SFSWAP: variants seen among roughly 807,000 people sequenced by gnomAD.
SFSWAP encodes splicing factor SWAP.
A neutral mutation model predicts 100.7 loss-of-function variants in SFSWAP; 17 were observed. That is an observed-to-expected ratio of 0.17 (90% CI 0.12 to 0.25). The LOEUF is 0.25. Among genes scored for constraint, SFSWAP ranks in the 10% least tolerant of loss-of-function variants. SFSWAP has a pLI of 1.00. For synonymous variants in SFSWAP, 504 were observed against 510.1 expected (o/e 0.99, Z 0.16); for missense variants, 1,005 against 1,262.6 (o/e 0.80, Z 3.09).
At chr12:131,783,855 G>A (rs1425039612) in intron 14 of SFSWAP, 1 of 135,556 alleles carries the variant, frequency 7.4e-6, no homozygotes, top group Non-Finnish European at 1.6e-5. Context: ...CTAAATACTT[G>A]GGGTTGGTGA....
rs144512976 is a variant in SFSWAP at position 131,750,482 on chromosome 12, C to T, written c.1082-2641C>T. ...AGCAGCAGTGGCTAGCAGCAGACCG[C>T]CTCACAGAGGCTGCGCGTGTCTCGG... is the stretch of plus-strand genomic sequence containing the variant. On this transcript the variant is annotated intron_variant, in intron 7 of 17. Coordinates refer to ENST00000261674, the MANE Select transcript of SFSWAP (RefSeq NM_004592.4). Among the ~76,000 whole-genome samples, 15 of 152,302 alleles carry T rather than the reference C, an allele frequency of 9.8e-5. No homozygotes were observed. In the East Asian group the frequency reaches 2.9e-3, roughly 29 times the overall value.
In SFSWAP at chr12:131,798,359, G is replaced by A. The variant is rs532351235; in HGVS notation, c.2718-678G>A. 2.8e-3 allele frequency among the ~76,000 whole-genome samples: 425 copies of A among 152,240 alleles called. 1 individual carries two copies. The highest frequency in any genetic ancestry group is 5.2e-3 in the South Asian group (25 of 4,810). ...AGTGTAGGAGGCTGAGCATCGCTGC[G>A]GGGAGGGGGTGTTGGCTCCAGCACA... On this transcript the variant is annotated intron_variant, in intron 16 of 17. Coordinates refer to ENST00000261674, the MANE Select transcript of SFSWAP (RefSeq NM_004592.4).
In SFSWAP at chr12:131,757,207, C is replaced by T. The variant is rs548349913; in HGVS notation, c.1720+563C>T. 9.8e-5 allele frequency: 15 copies of T among 153,004 alleles called. No homozygotes were observed. The South Asian group carries it at 2.1e-3, about 21-fold the overall frequency. 9.5% of individuals were successfully genotyped at this position (153,004 alleles called of 1,614,324 possible). A position where few individuals can be genotyped will look rare whatever the true frequency, so the allele number is the denominator to read the frequency against. On this transcript the variant is annotated intron_variant, in intron 11 of 17. Transcript: ENST00000261674. ...GTGGAGCAGCAGTGGGCTCCCCCCG[C>T]GGGAGGGAGGTTCTGTGGAGTAGAG...
intron 11 of SFSWAP, among the ~76,000 whole-genome samples, chr12:131,763,569 G>C (rs185026305): frequency 1.3e-5 from 2 of 152,148 alleles, no homozygotes; most frequent in Non-Finnish European, 2.9e-5. Context: ...TCTAAGAGGA[G>C]GGATTGCTTC....
rs752509494 is a variant in SFSWAP at position 131,730,139 on chromosome 12, C to T, written c.1081+1711C>T. On this transcript the variant is annotated intron_variant, in intron 7 of 17. Transcript: ENST00000261674. This position sits in a 1 kb window ranked among gnomAD's most constrained non-coding sequence, Gnocchi z 4.0. ...GAGGTGCTCTGTAGATCACTCCTAA[C>T]GCCCAGTCCTCACTGCATGGATTTT... Among the ~76,000 whole-genome samples, 12 of 152,324 alleles carry T rather than the reference C, an allele frequency of 7.9e-5. No homozygotes were observed. Among genetic ancestry groups the T allele is most frequent in the South Asian group, 2.1e-4 (1 of 4,830 alleles).
At chr12:131,722,356 G>A (rs535894075) in intron 4 of SFSWAP, among the ~76,000 whole-genome samples, 2 of 152,314 alleles carry the variant, frequency 1.3e-5, no homozygotes, top group Admixed American at 1.3e-4. Context: ...GAGGCCAGGA[G>A]TTCAAGACTA....
intron 11 of SFSWAP, among the ~76,000 whole-genome samples, chr12:131,761,668 A>G (rs139176694): frequency 1.6e-4 from 24 of 152,348 alleles, no homozygotes; most frequent in Admixed American, 9.1e-4. Context: ...GCTGTAGGAC[A>G]TGCTTTCCAT....
chr12:131,778,158 A>C lies in SFSWAP; in HGVS notation c.2236A>C (p.Lys746Gln), dbSNP rs1278460275. The change falls in exon 14 of 18, where the codon AAA becomes CAA. Residue 746 changes from lysine (K) to glutamine (Q), a missense_variant. Physicochemically the swap from Lys to Gln is moderately conservative, Grantham distance 53. Transcript: ENST00000261674. The surrounding 1 kb of genome is among the most constrained non-coding windows in gnomAD (Gnocchi z 4.2). ...ACCCGATAGGCCTTCGAGCAAAAGC[A>C]AAGATCCACCGAGAGAAGAAGAGAA... ...KPPDRPSSKS[K>Q]DPPREEEKEK... 6.2e-7 allele frequency: 1 copy of C among 1,613,266 alleles called. No individual in the cohort carries two copies. The highest frequency in any genetic ancestry group is 8.5e-7 in the Non-Finnish European group (1 of 1,179,822).
chr12:131,735,001 T>C (rs1289841996), intron 7 of SFSWAP, among the ~76,000 whole-genome samples: 1 of 152,074 alleles, frequency 6.6e-6, no homozygotes, highest in Non-Finnish European at 1.5e-5. Flanking sequence ...ACCGTAACCT[T>C]AGCAGCAGGC....
chr12:131,787,431 C>T (rs944546852), intron 15 of SFSWAP, among the ~76,000 whole-genome samples: 4 of 152,092 alleles, frequency 2.6e-5, no homozygotes, highest in Non-Finnish European at 5.9e-5. Context: ...CCACCCAGTG[C>T]CTTGCGTGGG....
In SFSWAP at chr12:131,782,233, C is replaced by T. The variant is rs748622024; in HGVS notation, c.2408+3903C>T. 7.2e-5 allele frequency among the ~76,000 whole-genome samples: 11 copies of T among 152,284 alleles called. No individual in the cohort carries two copies. In the South Asian group the frequency reaches 1.2e-3, roughly 17 times the overall value. On this transcript the variant is annotated intron_variant, in intron 14 of 17. Transcript: ENST00000261674. Reference sequence around the variant, plus strand: ...TCAGCTCTTCTGGGAACAGTGAGTGCGTGTTTTATTTAGTAGGATTGCATT... The same window carrying T: ...TCAGCTCTTCTGGGAACAGTGAGTGTGTGTTTTATTTAGTAGGATTGCATT...
chr12:131,754,446 C>T lies in SFSWAP; in HGVS notation c.1401C>T (p.Val467=), dbSNP rs1198722719. 3.1e-6 allele frequency: 5 copies of T among 1,603,474 alleles called. No individual in the cohort carries two copies. The highest frequency in any genetic ancestry group is 1.1e-5 in the South Asian group (1 of 89,798). The part of the protein sequence containing the change: ...QPVIDKLAEY[V]ARNGLKFETS... ...TGATTGACAAGCTGGCCGAGTATGT[C>T]GCCAGGAACGGCCTGAAGTTCGAGA... The change falls in exon 9 of 18, where the codon GTC becomes GTT. Residue 467 remains valine, a synonymous_variant. Transcript: ENST00000261674.
intron 7 of SFSWAP, among the ~76,000 whole-genome samples, chr12:131,732,209 G>A (rs1461965945): frequency 2.0e-5 from 3 of 152,050 alleles, no homozygotes; most frequent in African/African-American, 2.4e-5. Flanking sequence ...GCACCCAGCC[G>A]TGTTGCTATT....
intron 7 of SFSWAP, among the ~76,000 whole-genome samples, chr12:131,740,943 A>G (rs539601077): frequency 4.0e-5 from 3 of 75,126 alleles, no homozygotes; most frequent in Admixed American, 1.2e-4. Flanking sequence ...GAGGCTTTTC[A>G]TTTCTTTTTT....
At chr12:131,747,142 T>A (rs1312074894) in intron 7 of SFSWAP, among the ~76,000 whole-genome samples, 1 of 150,098 alleles carries the variant, frequency 6.7e-6, no homozygotes, top group Non-Finnish European at 1.5e-5. Context: ...CTCGTTACCA[T>A]TCTCTCCTGT....
chr12:131,726,454 C>T (rs964731921), intron 5 of SFSWAP, among the ~76,000 whole-genome samples: 1 of 152,222 alleles, frequency 6.6e-6, no homozygotes, highest in Non-Finnish European at 1.5e-5. Flanking sequence ...AGGTGATCCA[C>T]CCGCCTCGGC....
chr12:131,753,160 A>T lies in SFSWAP; in HGVS notation c.1119A>T (p.Leu373=). ...VAAMYYSYYM[L]PDGTYCLAPP... is the part of the protein sequence containing the mutation. The stretch of plus-strand genomic sequence containing the variant: ...CCATGTATTACAGCTACTACATGCT[A>T]CCGGACGGCACTTACTGCCTGGCGC... The change falls in exon 8 of 18, where the codon CTA becomes CTT. Residue 373 remains leucine, a synonymous_variant. Transcript: ENST00000261674. 3.1e-6 allele frequency: 5 copies of T among 1,614,144 alleles called. No individual in the cohort carries two copies. The highest frequency in any genetic ancestry group is 2.2e-5 in the East Asian group (1 of 44,886).
rs1879832262 is a variant in SFSWAP at position 131,734,680 on chromosome 12, T to C, written c.1081+6252T>C. On this transcript the variant is annotated intron_variant, in intron 7 of 17. Coordinates refer to ENST00000261674, the MANE Select transcript of SFSWAP (RefSeq NM_004592.4). The surrounding 1 kb of genome is among the most constrained non-coding windows in gnomAD (Gnocchi z 4.9). ...GGGGCTCCCAGGAACATTCACCGAGTAACTTCAGAAAAGTGAAGAGCAGAA... is the reference window on the plus strand; with the variant it reads ...GGGGCTCCCAGGAACATTCACCGAGCAACTTCAGAAAAGTGAAGAGCAGAA... Among the ~76,000 whole-genome samples the C allele has an allele frequency of 1.3e-5, 2 of 152,186 alleles. No homozygotes were observed. Among genetic ancestry groups the C allele is most frequent in the Non-Finnish European group, 2.9e-5 (2 of 68,036 alleles).
intron 13 of SFSWAP, among the ~76,000 whole-genome samples, chr12:131,771,664 T>G (rs1194564423): frequency 6.8e-6 from 1 of 147,332 alleles, no homozygotes; most frequent in Non-Finnish European, 1.5e-5. Flanking sequence ...TTTTTTTTTT[T>G]TTTTTTTTGA....
Sources: allele counts gnomAD v4.1 joint callset (sites outside exome capture counted in the v4.1 genomes callset), GRCh38; gene constraint gnomAD v4.1.1; non-coding constraint Gnocchi (gnomAD v3.1); transcripts MANE v1.5; gene names NCBI Gene and HGNC (gene_info 2026-07-23, HGNC 2026-07-21).